CNOT1: variants seen among roughly 807,000 people sequenced by gnomAD.
The protein encoded by CNOT1 is CCR4-NOT transcription complex subunit 1, also known as CCR4-associated factor 1.
CNOT1 carries 15 observed loss-of-function variants against 273.8 expected under a neutral mutation model. The observed-to-expected ratio is 0.05, with a 90% CI of 0.04 to 0.08. CNOT1 has a LOEUF of 0.08. CNOT1 is among the 10% of genes least tolerant of loss of function. CNOT1 has a pLI of 1.00. For missense variants in CNOT1, 1,644 were observed against 2,912.2 expected, an observed-to-expected ratio of 0.56 and a Z score of 10.02; for synonymous variants, 1,022 against 1,005.5, an observed-to-expected ratio of 1.02 and a Z score of -0.31.
chr16:58,608,745 A>G (rs1423466743), intron 1 of CNOT1, among the ~76,000 whole-genome samples: 1 of 152,138 alleles, frequency 6.6e-6, no homozygotes, highest in African/African-American at 2.4e-5. Flanking sequence ...GGATAAACAA[A>G]CTGTGGTATA....
intron 24 of CNOT1, among the ~76,000 whole-genome samples, chr16:58,550,496 A>T (rs1268332289): frequency 6.6e-6 from 1 of 152,144 alleles, no homozygotes; most frequent in African/African-American, 2.4e-5. Context: ...TTTCTTCCTT[A>T]TAATTTTCCT....
chr16:58,574,831 T>TA, intron 15 of CNOT1, 71 bp from the exon 16 acceptor site: 3 of 1,570,696 alleles, frequency 1.9e-6, no homozygotes, highest in Non-Finnish European at 1.7e-6. Flanking sequence ...AGATAACTAC[T>TA]AAGCACTATA....
At chr16:58,623,071 G>T (rs558000520) in intron 1 of CNOT1, among the ~76,000 whole-genome samples, 1 of 151,014 alleles carries the variant, frequency 6.6e-6, no homozygotes, top group East Asian at 2.0e-4. Flanking sequence ...GGTGGCAGGC[G>T]CCTGTAATCC....
intron 12 of CNOT1, 32 bp downstream of exon 12, chr16:58,580,601 C>A (rs758828321): frequency 5.0e-6 from 8 of 1,592,358 alleles, no homozygotes; most frequent in Non-Finnish European, 6.8e-6. Flanking sequence ...AAGAAGTAAT[C>A]TTTTAAATGA....
chr16:58,547,500 C>T lies in CNOT1; in HGVS notation c.3639+66G>A. On this transcript the variant is annotated intron_variant, in intron 26 of 48. Coordinates refer to ENST00000317147, the MANE Select transcript of CNOT1 (RefSeq NM_016284.5). The surrounding 1 kb of genome is among the most constrained non-coding windows in gnomAD (Gnocchi z 4.0). ...CCAATAATCATTAAATAGCTCCAAA[C>T]AGCCAATACTTGTAATCATAATGTG... 3 of 1,549,938 alleles carry T rather than the reference C, an allele frequency of 1.9e-6. No individual in the cohort carries two copies. Among genetic ancestry groups the T allele is most frequent in the Admixed American group, 2.0e-5 (1 of 50,328 alleles).
At position 58,626,759 on chromosome 16, in the gene CNOT1, CA is replaced by C. The variant is rs35083128; in HGVS notation, c.-175+2968del. Among the ~76,000 whole-genome samples, 83 of 143,226 alleles carry C rather than the reference CA, an allele frequency of 5.8e-4. 1 individual carries two copies. The highest frequency in any genetic ancestry group is 7.2e-3 in the Middle Eastern group (2 of 276). 94.0% of individuals were successfully genotyped at this position (143,226 alleles called of 152,430 possible). On this transcript the variant is annotated intron_variant, in intron 1 of 48. Transcript: ENST00000317147. ...TGGGCAACAGGGTGAGACTCCGTCT[CA>C]AAAAAAAAAAGGCAGACTACTATTT...
chr16:58,591,626 C>G (rs909302088), intron 2 of CNOT1, among the ~76,000 whole-genome samples: 1 of 151,938 alleles, frequency 6.6e-6, no homozygotes, highest in Non-Finnish European at 1.5e-5. Context: ...TGGCGGCATG[C>G]TCCTGTAATC....
At chr16:58,626,407 A>AG (rs1491157840) in intron 1 of CNOT1, among the ~76,000 whole-genome samples, 24 of 10,060 alleles carry the variant, frequency 2.4e-3, no homozygotes, top group African/African-American at 5.4e-3. Context: ...ACTGCGTCTC[A>AG]AAAAAAAAAA....
At chr16:58,574,842 A>C in intron 15 of CNOT1, 82 bp from the exon 16 acceptor site, 1 of 1,563,874 alleles carries the variant, frequency 6.4e-7, no homozygotes, top group South Asian at 1.2e-5. Context: ...AAGCACTATA[A>C]CTAAAATCCA....
At position 58,543,874 on chromosome 16, in the gene CNOT1, C is replaced by T; in HGVS notation, c.4167G>A (p.Leu1389=). 2 of 1,613,058 alleles carry T rather than the reference C, an allele frequency of 1.2e-6. No homozygotes were observed. Among genetic ancestry groups the T allele is most frequent in the South Asian group, 2.2e-5 (2 of 90,998 alleles). Reference sequence around the variant, plus strand: ...CAATTGCCTGACGCACACACTGCTTCAACTGTGGATGGGCCTGAAACAAGG... The same window carrying T: ...CAATTGCCTGACGCACACACTGCTTTAACTGTGGATGGGCCTGAAACAAGG... ...TIPLFQAHPQ[L]KQCVRQAIER... Residue 1389 remains leucine (L), a synonymous_variant, in exon 31 of 49, where the codon TTG becomes TTA. Coordinates refer to ENST00000317147, the MANE Select transcript of CNOT1 (RefSeq NM_016284.5).
chr16:58,520,801 TAA>T lies in CNOT1; in HGVS notation c.*155_*156del, dbSNP rs112534183. Reference sequence around the variant, plus strand: ...ATTTAAACTTTGGAACGTGCCCACATAAGACAGGAGGCTGATCCCAACAGTAG... The same window carrying T: ...ATTTAAACTTTGGAACGTGCCCACATGACAGGAGGCTGATCCCAACAGTAG... On this transcript the variant is annotated 3_prime_UTR_variant, in exon 49 of 49. Coordinates refer to ENST00000317147, the MANE Select transcript of CNOT1 (RefSeq NM_016284.5). 745 of 721,174 alleles carry T rather than the reference TAA, an allele frequency of 1.0e-3. 2 individuals carry two copies. In the African/African-American group the frequency reaches 0.012, roughly 11 times the overall value. The allele number at this position is 721,174 out of a possible 1,614,324, so 44.7% of individuals were successfully genotyped here.
chr16:58,523,554 G>A (rs2039481100), intron 46 of CNOT1, 52 bp from the exon 47 acceptor site: 4 of 1,587,188 alleles, frequency 2.5e-6, no homozygotes, highest in South Asian at 1.1e-5. Context: ...GCCAACATGG[G>A]AAGACAGTTC....
chr16:58,610,868 AAAC>A (rs1461926853), intron 1 of CNOT1, among the ~76,000 whole-genome samples: 1 of 149,280 alleles, frequency 6.7e-6, no homozygotes, highest in Non-Finnish European at 1.5e-5. Flanking sequence ...AAACAAAACA[AAAC>A]AAAAAATACA....
Position 58,626,324 on chromosome 16 carries a change from T to G in CNOT1, c.-175+3404A>C, listed in dbSNP as rs150628509. Among the ~76,000 whole-genome samples the G allele has an allele frequency of 2.1e-3, 309 of 147,660 alleles. 1 individual carries two copies. Among genetic ancestry groups the G allele is most frequent in the African/African-American group, 7.2e-3 (288 of 40,010 alleles). ...CAGAAGGCTGAGGCAGAAGAATCGC[T>G]TGAACCTGCGAGGCAGGGGTTGCAG... On this transcript the variant is annotated intron_variant, in intron 1 of 48. Transcript: ENST00000317147.
chr16:58,527,453 G>T lies in CNOT1; in HGVS notation c.6453+1022C>A, dbSNP rs868822654. 3.9e-5 allele frequency among the ~76,000 whole-genome samples: 6 copies of T among 152,156 alleles called. No individual in the cohort carries two copies. In the Middle Eastern group the frequency reaches 0.014, roughly 345 times the overall value. ...GAGGCAGGAGAATCACTGGACCCCA[G>T]GAGGCGGAAGTTGCAGTGAGCTGAG... On this transcript the variant is annotated intron_variant, in intron 44 of 48. Transcript: ENST00000317147.
chr16:58,561,376 CTT>C (rs759723118), intron 16 of CNOT1, among the ~76,000 whole-genome samples: 14 of 152,196 alleles, frequency 9.2e-5, no homozygotes, highest in African/African-American at 2.9e-4. Flanking sequence ...GCTTCAACCA[CTT>C]TGTCAAAAAT....
At chr16:58,604,413 C>T (rs2042588014) in intron 1 of CNOT1, among the ~76,000 whole-genome samples, 1 of 152,048 alleles carries the variant, frequency 6.6e-6, no homozygotes, top group African/African-American at 2.4e-5. Context: ...GCGTTGTCTA[C>T]TATTGGCTCT....
Position 58,542,171 on chromosome 16 carries a change from A to G in CNOT1, c.4680+60T>C, listed in dbSNP as rs2040113603. ...CTAATTCCAGTAAGGAGTTCAATCA[A>G]CAACAACATTAAAAATAAAACAAAG... On this transcript the variant is annotated intron_variant, in intron 33 of 48. Coordinates refer to ENST00000317147, the MANE Select transcript of CNOT1 (RefSeq NM_016284.5). 32 of 1,589,688 alleles carry G rather than the reference A, an allele frequency of 2.0e-5. No homozygotes were observed. In the South Asian group the frequency reaches 3.4e-4, roughly 17 times the overall value.
intron 1 of CNOT1, among the ~76,000 whole-genome samples, chr16:58,600,549 T>C (rs2042425001): frequency 6.6e-6 from 1 of 152,204 alleles, no homozygotes; most frequent in Admixed American, 6.6e-5. Flanking sequence ...AGACACTATG[T>C]ATTCACTTTA....
Sources: gnomAD v4.1 joint callset for allele counts (sites outside exome capture counted in the v4.1 genomes callset) on GRCh38, gnomAD v4.1.1 for gene constraint, Gnocchi (gnomAD v3.1) non-coding constraint, MANE v1.5 for transcripts, NCBI Gene and HGNC (gene_info 2026-07-23, HGNC 2026-07-21) for gene names.